Variants in ARHGAP17 observed in about 807,000 individuals in gnomAD.
ARHGAP17 encodes the protein rho GTPase-activating protein 17.
In ARHGAP17, 57 loss-of-function variants were observed where a neutral mutation model predicts 99.5. That is an observed-to-expected ratio of 0.57 (90% CI 0.46 to 0.71). The LOEUF is 0.71. ARHGAP17 is among the 30% of genes least tolerant of loss of function. The pLI, the probability that ARHGAP17 is intolerant of heterozygous loss-of-function variation, is 0.00. For missense variants in ARHGAP17, 1,000 were observed against 1,122.4 expected, an observed-to-expected ratio of 0.89 and a Z score of 1.56; for synonymous variants, 417 against 429.6, an observed-to-expected ratio of 0.97 and a Z score of 0.36.
At chr16:24,944,766 G>A (rs1567220578) in intron 14 of ARHGAP17, among the ~76,000 whole-genome samples, 1 of 151,912 alleles carries the variant, frequency 6.6e-6, no homozygotes, top group Non-Finnish European at 1.5e-5. Context: ...ACAGGCACCT[G>A]CCACCGCGCC....
chr16:24,921,084 A>T (rs1017806917), intron 19 of ARHGAP17: 6 of 152,244 alleles, frequency 3.9e-5, no homozygotes, highest in Admixed American at 3.9e-4. Context: ...TGGGTCTCAG[A>T]TTCATTTATG....
chr16:25,003,886 G>A (rs779337720), intron 1 of ARHGAP17, among the ~76,000 whole-genome samples: 2 of 152,092 alleles, frequency 1.3e-5, no homozygotes, highest in Admixed American at 1.3e-4. Flanking sequence ...GCAACCAGGG[G>A]CTGTGAATTT....
rs959444672 is a variant in ARHGAP17, at chr16:24,984,834, G to T, written c.54-5829C>A. 2.6e-5 allele frequency among the ~76,000 whole-genome samples: 4 copies of T among 151,416 alleles called. No homozygotes were observed. In the South Asian group the frequency reaches 8.4e-4, roughly 32 times the overall value. On this transcript the variant is annotated intron_variant, in intron 1 of 19. Transcript: ENST00000289968. ...TCCATAATGACTAAAATTGAAATGT[G>T]ATATTACCTTTCAAGGTTAATCTTT...
At chr16:25,010,533 G>A (rs552978357) in intron 1 of ARHGAP17, among the ~76,000 whole-genome samples, 110 of 152,324 alleles carry the variant, frequency 7.2e-4, no homozygotes, top group Non-Finnish European at 1.3e-3. Flanking sequence ...GAAAGGATGA[G>A]CTGTTTTTCA....
At chr16:24,959,094 A>G (rs1195166863) in intron 9 of ARHGAP17, among the ~76,000 whole-genome samples, 56 of 152,226 alleles carry the variant, frequency 3.7e-4, no homozygotes, top group Admixed American at 3.7e-3. Context: ...TGCAGATACA[A>G]TCTGCAGTGT....
At chr16:24,956,610 C>T (rs1308335190) in intron 9 of ARHGAP17, 3 of 152,228 alleles carry the variant, frequency 2.0e-5, no homozygotes, top group Non-Finnish European at 4.4e-5. Flanking sequence ...CACAGGGGCA[C>T]AAATCCTGCT....
intron 10 of ARHGAP17, among the ~76,000 whole-genome samples, chr16:24,954,276 T>G (rs1420557005): frequency 1.3e-5 from 2 of 152,132 alleles, no homozygotes; most frequent in African/African-American, 2.4e-5. Flanking sequence ...CGTCACGAAA[T>G]CTATTGTCAC....
chr16:24,982,757 G>A (rs566728404), intron 1 of ARHGAP17, among the ~76,000 whole-genome samples: 266 of 151,398 alleles, frequency 1.8e-3, no homozygotes, highest in African/African-American at 6.1e-3. Context: ...ATCGGCCAAG[G>A]TGCCCATTCA....
At chr16:24,993,936 C>T (rs891574223) in intron 1 of ARHGAP17, among the ~76,000 whole-genome samples, 1 of 152,158 alleles carries the variant, frequency 6.6e-6, no homozygotes, top group Non-Finnish European at 1.5e-5. Context: ...ATTTTGAAAC[C>T]TTCCAAACTG....
At chr16:25,013,365 G>A (rs1041369103) in intron 1 of ARHGAP17, among the ~76,000 whole-genome samples, 3 of 152,224 alleles carry the variant, frequency 2.0e-5, no homozygotes, top group African/African-American at 7.2e-5. Flanking sequence ...GCTCACGCTT[G>A]TAGTCCCAGA....
chr16:25,002,079 TAA>T (rs758109158), intron 1 of ARHGAP17, among the ~76,000 whole-genome samples: 7 of 129,800 alleles, frequency 5.4e-5, no homozygotes, highest in Non-Finnish European at 3.3e-5. Flanking sequence ...AGACTCCATC[TAA>T]AAAAAAAAAA....
In ARHGAP17 at chr16:24,942,513, T is replaced by C. The variant is rs547977822; in HGVS notation, c.1334-370A>G. On this transcript the variant is annotated intron_variant, in intron 15 of 19. Transcript: ENST00000289968. ...TGGGTGTGGTGGCTCATGCCTGCAA[T>C]CTCAGCACTTTGGGAGGCCAAGGCA... 3.2e-3 allele frequency among the ~76,000 whole-genome samples: 494 copies of C among 152,238 alleles called. 2 individuals carry two copies. Among genetic ancestry groups the C allele is most frequent in the Non-Finnish European group, 4.0e-3 (269 of 68,016 alleles).
Position 24,959,738 on chromosome 16 carries a change from T to A in ARHGAP17, c.657A>T (p.Gln219His). The stretch of plus-strand genomic sequence containing the variant: ...CTAATGCTTTTCTATGGTAATCTGC[T>A]TGGGCTTCTAATAACTGAGAACAGA... ...GKFFVTLLEA[Q>H]ADYHRKALAV... Residue 219 changes from glutamine (Q) to histidine (H), a missense_variant, in exon 9 of 20, where the codon CAA (glutamine) becomes CAT (histidine). This residue lies in a region of ARHGAP17 where 472 missense variants were observed against 611.1 expected (regional missense o/e 0.77). Transcript: ENST00000289968. 6.2e-7 allele frequency: 1 copy of A among 1,614,160 alleles called. No individual in the cohort carries two copies. The highest frequency in any genetic ancestry group is 8.5e-7 in the Non-Finnish European group (1 of 1,180,034).
At chr16:24,965,438 C>T (rs1285594554) in intron 6 of ARHGAP17, among the ~76,000 whole-genome samples, 1 of 152,120 alleles carries the variant, frequency 6.6e-6, no homozygotes, top group Non-Finnish European at 1.5e-5. Flanking sequence ...ATCGCAACGC[C>T]GCACTCCAGC....
At chr16:24,977,706 T>A (rs184606095) in intron 2 of ARHGAP17, among the ~76,000 whole-genome samples, 1 of 151,530 alleles carries the variant, frequency 6.6e-6, no homozygotes. Flanking sequence ...GGGTTTGGGG[T>A]GTGTGTGTGT....
chr16:24,938,183 G>A (rs1262392957), intron 17 of ARHGAP17, among the ~76,000 whole-genome samples: 1 of 152,152 alleles, frequency 6.6e-6, no homozygotes, highest in African/African-American at 2.4e-5. Flanking sequence ...CCAACATGGC[G>A]AAACCCTGTC....
intron 1 of ARHGAP17, among the ~76,000 whole-genome samples, chr16:24,991,680 C>T (rs1489380617): frequency 1.3e-5 from 2 of 152,158 alleles, no homozygotes; most frequent in South Asian, 2.1e-4. Context: ...GGCTTCCCAC[C>T]ACTGCTAAGG....
intron 15 of ARHGAP17, 118 bp from the exon 16 acceptor site, chr16:24,942,261 CA>C: frequency 9.6e-7 from 1 of 1,047,034 alleles, no homozygotes; most frequent in Non-Finnish European, 1.4e-6. Flanking sequence ...CTCACTATTT[CA>C]AAGTGGAAGC....
At chr16:24,921,397 T>C (rs565471690) in intron 19 of ARHGAP17, among the ~76,000 whole-genome samples, 11 of 151,820 alleles carry the variant, frequency 7.2e-5, no homozygotes, top group Admixed American at 6.6e-4. Context: ...GAGGAGGAGG[T>C]GGTTTGTGGG....
Sources: gnomAD v4.1 joint callset for allele counts (sites outside exome capture counted in the v4.1 genomes callset) on GRCh38, gnomAD v4.1.1 for gene constraint, gnomAD v4.1.1 regional missense constraint, MANE v1.5 for transcripts, NCBI Gene and HGNC (gene_info 2026-07-23, HGNC 2026-07-21) for gene names.